Variants in ARL6IP6 observed in about 807,000 individuals in gnomAD.
ARL6IP6 encodes ADP-ribosylation factor-like protein 6-interacting protein 6.
ARL6IP6 carries 22 observed loss-of-function variants against 21.5 expected under a neutral mutation model. That is an observed-to-expected ratio of 1.02 (90% CI 0.73 to 1.46). The LOEUF is 1.46. ARL6IP6 is among the 40% of genes most tolerant of loss of function. ARL6IP6 has a pLI of 0.00. For missense variants in ARL6IP6, 388 were observed against 299.8 expected (o/e 1.29, Z -2.17); for synonymous variants, 164 against 125.3 (o/e 1.31, Z -2.06).
chr2:152,742,889 C>G (rs1038419215), intron 3 of ARL6IP6, among the ~76,000 whole-genome samples: 1 of 152,160 alleles, frequency 6.6e-6, no homozygotes, highest in East Asian at 1.9e-4. Flanking sequence ...AAGCCACTTG[C>G]ACAAAGTCAA....
At chr2:152,734,157 A>T (rs1231621400) in intron 2 of ARL6IP6, among the ~76,000 whole-genome samples, 1 of 152,082 alleles carries the variant, frequency 6.6e-6, no homozygotes, top group East Asian at 1.9e-4. Flanking sequence ...TTTTCCCTTT[A>T]TGCCTCCTAT....
intron 3 of ARL6IP6, among the ~76,000 whole-genome samples, chr2:152,758,532 A>T (rs1247771069): frequency 2.6e-5 from 4 of 152,152 alleles, no homozygotes; most frequent in Admixed American, 1.3e-4. Context: ...TTTACGATGT[A>T]GATAGGTAAT....
At chr2:152,721,114 A>T (rs1699770366) in intron 2 of ARL6IP6, among the ~76,000 whole-genome samples, 1 of 152,162 alleles carries the variant, frequency 6.6e-6, no homozygotes, top group Admixed American at 6.5e-5. Context: ...AATTTTTTTA[A>T]TGGGTACTGG....
intron 3 of ARL6IP6, among the ~76,000 whole-genome samples, chr2:152,757,172 A>G (rs528203936): frequency 1.3e-5 from 2 of 152,332 alleles, no homozygotes; most frequent in South Asian, 4.1e-4. Flanking sequence ...TAGTTTCAAG[A>G]GCAAGTGAAA....
intron 3 of ARL6IP6, among the ~76,000 whole-genome samples, chr2:152,743,452 A>T (rs1045344411): frequency 2.0e-5 from 3 of 152,188 alleles, no homozygotes; most frequent in African/African-American, 7.2e-5. Context: ...TAGGAATGTA[A>T]AACAACCTGG....
chr2:152,718,958 C>T lies in ARL6IP6; in HGVS notation c.334C>T (p.Leu112Phe), dbSNP rs199937873. 1.5e-4 allele frequency: 235 copies of T among 1,604,524 alleles called. 1 individual carries two copies. The Middle Eastern group carries it at 2.2e-3, about 15-fold the overall frequency. Residue 112 changes from leucine (L) to phenylalanine (F), a missense_variant, in exon 1 of 4, where the codon CTC (leucine) becomes TTC (phenylalanine). Transcript: ENST00000326446. ...GTGGCCGGTCCAGGTCCTCTCTATT[C>T]TCTGCTCGCTGCTCTTCGCCATTCT... ...RRWPVQVLSI[L>F]CSLLFAILLA...
intron 2 of ARL6IP6, among the ~76,000 whole-genome samples, chr2:152,726,582 T>A (rs189533941): frequency 3.9e-5 from 6 of 152,350 alleles, no homozygotes; most frequent in Non-Finnish European, 7.3e-5. Context: ...GTTGAGAACA[T>A]TTGCTTACAT....
chr2:152,736,869 T>C (rs1176052620), intron 3 of ARL6IP6, among the ~76,000 whole-genome samples: 1 of 152,236 alleles, frequency 6.6e-6, no homozygotes, highest in Non-Finnish European at 1.5e-5. Context: ...GTGCATACGT[T>C]ATAGGCTAAT....
At chr2:152,757,225 T>G (rs1217625189) in intron 3 of ARL6IP6, among the ~76,000 whole-genome samples, 1 of 152,138 alleles carries the variant, frequency 6.6e-6, no homozygotes, top group Non-Finnish European at 1.5e-5. Context: ...TACCTCAAGA[T>G]CTGCAGGAGG....
chr2:152,736,767 T>TA (rs1700572397), intron 3 of ARL6IP6, among the ~76,000 whole-genome samples: 1 of 152,130 alleles, frequency 6.6e-6, no homozygotes, highest in Admixed American at 6.5e-5. Flanking sequence ...GTAATACAAA[T>TA]AAAAAACAGT....
intron 3 of ARL6IP6, among the ~76,000 whole-genome samples, chr2:152,748,254 C>A (rs1701150970): frequency 6.6e-6 from 1 of 152,208 alleles, no homozygotes. Context: ...TCAACTTTGT[C>A]TGCTCTTCAG....
In ARL6IP6 at chr2:152,761,467, C is replaced by T. The variant is rs1701841935; in HGVS notation, c.*1627C>T. Among the ~76,000 whole-genome samples, 1 of 152,106 alleles carries T rather than the reference C, an allele frequency of 6.6e-6. No individual in the cohort carries two copies. The highest frequency in any genetic ancestry group is 1.5e-5 in the Non-Finnish European group (1 of 68,042). On this transcript the variant is annotated 3_prime_UTR_variant, in exon 4 of 4. Coordinates refer to ENST00000326446, the MANE Select transcript of ARL6IP6 (RefSeq NM_152522.7). ...CACCACTCTGTATTCCCACGCACCA[C>T]CAATGTGAGTAACTCCCTCCAGATT...
chr2:152,719,042 T>C lies in ARL6IP6; in HGVS notation c.400+18T>C, dbSNP rs1216949771. ...CGTTAAAGGTATTGAAGCCGACGCC[T>C]TGAAAGTCTGTCCAGAGTAAAGTTG... On this transcript the variant is annotated intron_variant, in intron 1 of 3. Coordinates refer to ENST00000326446, the MANE Select transcript of ARL6IP6 (RefSeq NM_152522.7). 1 of 1,517,356 alleles carries C rather than the reference T, an allele frequency of 6.6e-7. No homozygotes were observed. The highest frequency in any genetic ancestry group is 8.8e-7 in the Non-Finnish European group (1 of 1,132,988). 94.0% of individuals were successfully genotyped at this position (1,517,356 alleles called of 1,614,324 possible).
intron 2 of ARL6IP6, among the ~76,000 whole-genome samples, chr2:152,730,250 A>G (rs1277232939): frequency 4.6e-5 from 7 of 152,204 alleles, no homozygotes; most frequent in African/African-American, 1.7e-4. Flanking sequence ...CTATTAAAGC[A>G]CTCAAGTGAA....
chr2:152,759,725 T>G (rs768837570), intron 3 of ARL6IP6, 22 bp from the exon 4 acceptor site: 3 of 1,593,358 alleles, frequency 1.9e-6, no homozygotes, highest in South Asian at 1.1e-5. Flanking sequence ...CTTTTTTGAT[T>G]TGTGTTTTTC....
Position 152,735,272 on chromosome 2 carries a change from G to C in ARL6IP6, c.587+146G>C. The C allele has an allele frequency of 6.8e-6, 5 of 737,330 alleles. No homozygotes were observed. The Admixed American group carries it at 1.5e-4, about 22-fold the overall frequency. The allele number at this position is 737,330 out of a possible 1,614,324, so 45.7% of individuals were successfully genotyped here. On this transcript the variant is annotated intron_variant, in intron 3 of 3. Coordinates refer to ENST00000326446, the MANE Select transcript of ARL6IP6 (RefSeq NM_152522.7). The stretch of plus-strand genomic sequence containing the variant: ...TAATAACAGGACTTTTCAGCTTGTA[G>C]GCTCAGCCTTTAGATACATGAGAAT...
chr2:152,739,377 C>A lies in ARL6IP6; in HGVS notation c.587+4251C>A, dbSNP rs983657003. Reference sequence around the variant, plus strand: ...ACCAGATACCCTAAATCATCTCTCTCAAGTTCGAAGTTCCACAGATCTCTA... The same window carrying A: ...ACCAGATACCCTAAATCATCTCTCTAAAGTTCGAAGTTCCACAGATCTCTA... On this transcript the variant is annotated intron_variant, in intron 3 of 3. Transcript: ENST00000326446. Among the ~76,000 whole-genome samples the A allele has an allele frequency of 1.1e-4, 16 of 152,330 alleles. 2 individuals carry two copies. In the Middle Eastern group the frequency reaches 0.01, roughly 97 times the overall value.
At chr2:152,728,237 T>A (rs16831707) in intron 2 of ARL6IP6, among the ~76,000 whole-genome samples, 8,163 of 152,262 alleles carry the variant, frequency 0.054, 546 homozygotes, top group African/African-American at 0.15. Flanking sequence ...AATGTCAGAA[T>A]CTCTTACCCA....
In ARL6IP6 at chr2:152,718,942, C is replaced by A. The variant is rs1273660632; in HGVS notation, c.318C>A (p.Val106=). The change falls in exon 1 of 4, where the codon GTC becomes GTA. Residue 106 remains valine (V), a synonymous_variant. Coordinates refer to ENST00000326446, the MANE Select transcript of ARL6IP6 (RefSeq NM_152522.7). The part of the protein sequence containing the change: ...GSRAQPRRWP[V]QVLSILCSLL... ...GAGCCCAGCCTCGGCGGTGGCCGGT[C>A]CAGGTCCTCTCTATTCTCTGCTCGC... The A allele has an allele frequency of 2.5e-6, 4 of 1,613,470 alleles. No homozygotes were observed. The highest frequency in any genetic ancestry group is 3.4e-6 in the Non-Finnish European group (4 of 1,179,730).
Sources: gnomAD v4.1 joint callset for allele counts (sites outside exome capture counted in the v4.1 genomes callset) on GRCh38, gnomAD v4.1.1 for gene constraint, MANE v1.5 for transcripts, NCBI Gene and HGNC (gene_info 2026-07-23, HGNC 2026-07-21) for gene names.